Variants in TYW1B observed in about 807,000 individuals in gnomAD.
TYW1B encodes tRNA-yW synthesizing protein 1 homolog B.
A neutral mutation model predicts 86.9 loss-of-function variants in TYW1B; 73 were observed. The ratio of observed to expected loss-of-function variants is 0.84; its 90% confidence interval spans 0.70 to 1.02. The LOEUF (loss-of-function observed/expected upper bound fraction) is 1.02. Ranked by LOEUF, TYW1B falls within the 50% of genes least tolerant of loss-of-function variation. The pLI, the probability that TYW1B is intolerant of heterozygous loss-of-function variation, is 0.00. For synonymous variants in TYW1B, 248 were observed against 292.8 expected (o/e 0.85, Z 1.56); for missense variants, 637 against 827.4 (o/e 0.77, Z 2.82).
intron 10 of TYW1B, among the ~76,000 whole-genome samples, chr7:72,698,498 T>A (rs1814378231): frequency 6.6e-6 from 1 of 151,290 alleles, no homozygotes; most frequent in African/African-American, 2.4e-5. Context: ...ATACAAAAAT[T>A]AGCCAGGCAT....
At chr7:72,800,420 A>T (rs531728701) in intron 6 of TYW1B, among the ~76,000 whole-genome samples, 3 of 151,906 alleles carry the variant, frequency 2.0e-5, no homozygotes, top group Non-Finnish European at 4.4e-5. Context: ...CCTGGTCCCA[A>T]ACTTCTGGCC....
At chr7:72,733,102 C>G (rs1358936837) in intron 8 of TYW1B, among the ~76,000 whole-genome samples, 1 of 151,344 alleles carries the variant, frequency 6.6e-6, no homozygotes, top group Non-Finnish European at 1.5e-5. Context: ...ATAAAGTCTT[C>G]CAACAAAGAA....
At chr7:72,759,610 A>G (rs1554466875) in intron 7 of TYW1B, among the ~76,000 whole-genome samples, 1 of 152,200 alleles carries the variant, frequency 6.6e-6, no homozygotes, top group East Asian at 1.9e-4. Flanking sequence ...TGGAGTTAAC[A>G]TGTTGAGTCT....
At chr7:72,656,729 G>T (rs1813214652) in intron 11 of TYW1B, among the ~76,000 whole-genome samples, 1 of 152,216 alleles carries the variant, frequency 6.6e-6, no homozygotes, top group Non-Finnish European at 1.5e-5. Context: ...CCTGCTTCTG[G>T]TGAGGCCTCA....
intron 6 of TYW1B, among the ~76,000 whole-genome samples, chr7:72,784,512 T>G (rs1292257868): frequency 6.6e-6 from 1 of 152,240 alleles, no homozygotes; most frequent in African/African-American, 2.4e-5. Flanking sequence ...CTTTATTCTT[T>G]GAGACAGGGT....
rs559328983 is a variant in TYW1B at position 72,747,461 on chromosome 7, T to C, written c.965-2860A>G. Among the ~76,000 whole-genome samples, 3 of 152,330 alleles carry C rather than the reference T, an allele frequency of 2.0e-5. No individual in the cohort carries two copies. The South Asian group carries it at 6.2e-4, about 32-fold the overall frequency. ...AAACGGACTAATACAGAATTGCTTTTGCATTTTTGTAAAAAAAACAGTTAA... is the reference window on the plus strand; with the variant it reads ...AAACGGACTAATACAGAATTGCTTTCGCATTTTTGTAAAAAAAACAGTTAA... On this transcript the variant is annotated intron_variant, in intron 7 of 13. Coordinates refer to ENST00000620995, the MANE Select transcript of TYW1B (RefSeq NM_001145440.3).
chr7:72,601,313 C>T (rs555384922), intron 13 of TYW1B, among the ~76,000 whole-genome samples: 18 of 151,186 alleles, frequency 1.2e-4, no homozygotes, highest in African/African-American at 4.4e-4. Context: ...CGATATGCCA[C>T]TACAAATCTA....
In TYW1B at chr7:72,575,130, G is replaced by A. The variant is rs1554428213; in HGVS notation, c.*368C>T. The A allele has an allele frequency of 2.8e-6, 3 of 1,062,326 alleles. No homozygotes were observed. The highest frequency in any genetic ancestry group is 3.5e-5 in the South Asian group (1 of 28,864). The allele number at this position is 1,062,326 out of a possible 1,614,324, so 65.8% of individuals were successfully genotyped here. A position where few individuals can be genotyped will look rare whatever the true frequency, so the allele number is the denominator to read the frequency against. ...ATGAAATCCAAGGGCCAGGTGAGGG[G>A]AAGAGGCCCAGGGATTTCTTCCTTG... On this transcript the variant is annotated 3_prime_UTR_variant, in exon 14 of 14. Coordinates refer to ENST00000620995, the MANE Select transcript of TYW1B (RefSeq NM_001145440.3).
chr7:72,702,982 CTATCTATATATA>C (rs1189463768), intron 10 of TYW1B, among the ~76,000 whole-genome samples: 2 of 10,160 alleles, frequency 2.0e-4, no homozygotes, highest in South Asian at 4.2e-3. Context: ...ATCTATCTAT[CTATCTATATATA>C]TATATATATA....
At chr7:72,759,997 T>C (rs1787660073) in intron 7 of TYW1B, among the ~76,000 whole-genome samples, 1 of 152,026 alleles carries the variant, frequency 6.6e-6, no homozygotes, top group Admixed American at 6.6e-5. Context: ...AGTATGTCTG[T>C]CCAGCATATA....
chr7:72,768,845 T>C (rs529407169), intron 7 of TYW1B: 20 of 287,760 alleles, frequency 7.0e-5, no homozygotes, highest in Non-Finnish European at 9.7e-5. Flanking sequence ...CCTATATGAC[T>C]TCTCTGATTC....
chr7:72,622,796 AAC>A (rs1326324196), intron 12 of TYW1B, among the ~76,000 whole-genome samples: 7 of 151,544 alleles, frequency 4.6e-5, no homozygotes, highest in Non-Finnish European at 2.9e-5. Flanking sequence ...ACACATGCAT[AAC>A]ACACACAACA....
chr7:72,668,086 GA>G (rs1262291144), intron 11 of TYW1B, among the ~76,000 whole-genome samples: 1 of 152,154 alleles, frequency 6.6e-6, no homozygotes, highest in Non-Finnish European at 1.5e-5. Flanking sequence ...CGGAGTCCTA[GA>G]AATGTCTACT....
At chr7:72,652,382 A>C (rs1309084038) in intron 11 of TYW1B, among the ~76,000 whole-genome samples, 5 of 138,210 alleles carry the variant, frequency 3.6e-5, no homozygotes, top group African/African-American at 1.3e-4. Context: ...TGTCTGAAAA[A>C]AAAAAAAAAA....
chr7:72,674,429 G>C (rs1487396302), intron 11 of TYW1B, among the ~76,000 whole-genome samples: 3 of 151,918 alleles, frequency 2.0e-5, no homozygotes, highest in African/African-American at 7.3e-5. Flanking sequence ...CTTCAGACAG[G>C]ATGTCTGATG....
chr7:72,606,114 G>C (rs761432220), intron 13 of TYW1B, among the ~76,000 whole-genome samples: 16 of 152,248 alleles, frequency 1.1e-4, no homozygotes, highest in East Asian at 3.9e-4. Flanking sequence ...ATGGTGGTGA[G>C]TTTCTTGAGT....
intron 11 of TYW1B, among the ~76,000 whole-genome samples, chr7:72,671,823 C>A (rs1484713583): frequency 1.4e-5 from 2 of 138,254 alleles, no homozygotes; most frequent in Admixed American, 7.8e-5. Flanking sequence ...ACTTTAATTT[C>A]TTTTAAAATT....
chr7:72,814,481 G>A (rs1554478990), intron 3 of TYW1B, among the ~76,000 whole-genome samples: 1 of 152,086 alleles, frequency 6.6e-6, no homozygotes, highest in Non-Finnish European at 1.5e-5. Context: ...CTACTCAGGA[G>A]ACTGAGGCAG....
intron 11 of TYW1B, among the ~76,000 whole-genome samples, chr7:72,686,791 A>G (rs1484932664): frequency 7.2e-5 from 11 of 152,158 alleles, no homozygotes; most frequent in Admixed American, 7.2e-4. Context: ...GAGGTAATGT[A>G]TGCATGCATG....
Sources: gnomAD v4.1 joint callset for allele counts (sites outside exome capture counted in the v4.1 genomes callset) on GRCh38, gnomAD v4.1.1 for gene constraint, MANE v1.5 for transcripts, NCBI Gene and HGNC (gene_info 2026-07-23, HGNC 2026-07-21) for gene names.